DNAH3: variants seen among roughly 807,000 people sequenced by gnomAD.
DNAH3 encodes the protein axonemal beta dynein heavy chain 3.
A neutral mutation model predicts 432.5 loss-of-function variants in DNAH3; 332 were observed. That is an observed-to-expected ratio of 0.77 (90% CI 0.70 to 0.84). The LOEUF (loss-of-function observed/expected upper bound fraction) is 0.84, where lower values mean the gene tolerates loss of function less well. Ranked by LOEUF, DNAH3 falls within the 40% of genes least tolerant of loss-of-function variation. The probability of loss-of-function intolerance (pLI) is 0.00; values close to 1 mark genes in which losing one functional copy is unlikely to be tolerated. For synonymous variants in DNAH3, 1,956 were observed against 1,900.2 expected (o/e 1.03, Z -0.76); for missense variants, 4,861 against 5,114.0 (o/e 0.95, Z 1.51).
intron 41 of DNAH3, among the ~76,000 whole-genome samples, chr16:21,012,745 G>T (rs9924815): frequency 0.23 from 35,337 of 151,914 alleles, 4,288 homozygotes; most frequent in Admixed American, 0.28. Context: ...TGCATCGTGG[G>T]CAATAAAACA....
chr16:20,996,977 G>T, intron 44 of DNAH3: 1 of 291,940 alleles, frequency 3.4e-6, no homozygotes, highest in Non-Finnish European at 6.4e-6. Flanking sequence ...TGCACCCCTA[G>T]TTGAGGCTTC....
rs569833289 is a variant in DNAH3, at chr16:20,982,205, G to A, written c.7859+516C>T. The stretch of plus-strand genomic sequence containing the variant: ...TCGAGACCACCCTGGCCAACATGGC[G>A]AAACCCCATATCTAGTAAAAATATA... On this transcript the variant is annotated intron_variant, in intron 49 of 61. Coordinates refer to ENST00000261383, the Ensembl canonical transcript of DNAH3. Among the ~76,000 whole-genome samples the A allele has an allele frequency of 4.6e-5, 7 of 152,042 alleles. No individual in the cohort carries two copies. In the East Asian group the frequency reaches 7.7e-4, roughly 17 times the overall value.
exon 11 of DNAH3, chr16:21,120,838 A>C (rs754402541): frequency 1.2e-6 from 2 of 1,613,848 alleles, no homozygotes; most frequent in African/African-American, 2.7e-5. Context: ...GGAGAACTTA[A>C]GTGGTATGTA....
chr16:21,136,179 T>A (rs992147341), intron 6 of DNAH3, 145 bp downstream of exon 7: 4 of 730,758 alleles, frequency 5.5e-6, no homozygotes, highest in African/African-American at 1.8e-5. Flanking sequence ...TTTGGGAGGC[T>A]AAGGAGGGAG....
chr16:21,087,892 T>G (rs2091427249), intron 18 of DNAH3, among the ~76,000 whole-genome samples: 1 of 152,154 alleles, frequency 6.6e-6, no homozygotes, highest in Non-Finnish European at 1.5e-5. Flanking sequence ...AGTGAGACTC[T>G]GTCAAAAAAT....
exon 13 of DNAH3, chr16:21,112,045 T>C: frequency 6.2e-7 from 1 of 1,613,868 alleles, no homozygotes; most frequent in Middle Eastern, 1.7e-4. Flanking sequence ...AGCGATGTTT[T>C]GCTCTGCCGT....
At chr16:21,062,979 C>T (rs2090415466) in intron 24 of DNAH3, 2 of 305,206 alleles carry the variant, frequency 6.6e-6, no homozygotes, top group Non-Finnish European at 1.2e-5. Flanking sequence ...TGAGACATTG[C>T]ACCCAGCTTG....
intron 41 of DNAH3, 134 bp downstream of exon 41, chr16:21,019,490 A>T: frequency 1.0e-6 from 1 of 958,366 alleles, no homozygotes; most frequent in Non-Finnish European, 1.6e-6. Context: ...GTAATTCCTT[A>T]CATATTTATT....
rs374903404 is a variant in DNAH3 at position 21,034,079 on chromosome 16, C to T, written c.5092G>A (p.Glu1698Lys). The change falls in exon 36 of 62, where the codon GAA becomes AAA. Residue 1698 changes from glutamate to lysine, a missense_variant. Glu to Lys is a moderately conservative substitution (Grantham distance 56). Coordinates refer to ENST00000261383, the Ensembl canonical transcript of DNAH3. ...TAGCCATGTCTCACCAGCATCATTT[C>T]GTAGATCTGGGAGGAGACATCATTC... 10 of 1,607,226 alleles carry T rather than the reference C, an allele frequency of 6.2e-6. No individual in the cohort carries two copies. Among genetic ancestry groups the T allele is most frequent in the African/African-American group, 2.7e-5 (2 of 74,794 alleles).
At position 21,062,417 on chromosome 16, in the gene DNAH3, G is replaced by A; in HGVS notation, c.3720+65C>T. 2.9e-6 allele frequency: 4 copies of A among 1,387,470 alleles called. No individual in the cohort carries two copies. The South Asian group carries it at 4.8e-5, about 17-fold the overall frequency. 85.9% of individuals were successfully genotyped at this position (1,387,470 alleles called of 1,614,324 possible). Reference sequence around the variant, plus strand: ...GTCTGGTGCTTAGTCCCAGTGCTTAGCCAATACGCTCTCTGATTTACTCTG... The same window carrying A: ...GTCTGGTGCTTAGTCCCAGTGCTTAACCAATACGCTCTCTGATTTACTCTG... On this transcript the variant is annotated intron_variant, in intron 25 of 61. Transcript: ENST00000261383.
At chr16:21,104,263 G>A (rs1459535941) in intron 16 of DNAH3, 36 of 511,664 alleles carry the variant, frequency 7.0e-5, no homozygotes, top group Non-Finnish European at 8.5e-5. Context: ...GAAGACATTA[G>A]CAGAGGTTAT....
At chr16:20,996,584 C>G (rs1053230209) in intron 44 of DNAH3, among the ~76,000 whole-genome samples, 1 of 152,158 alleles carries the variant, frequency 6.6e-6, no homozygotes, top group Non-Finnish European at 1.5e-5. Flanking sequence ...CTCAGCCTCC[C>G]AAGTAGCTGG....
chr16:21,061,471 G>A (rs181371302), intron 25 of DNAH3, among the ~76,000 whole-genome samples: 285 of 151,922 alleles, frequency 1.9e-3, no homozygotes, highest in African/African-American at 6.4e-3. Context: ...TGATCCACCC[G>A]CCTCGGCCTC....
At chr16:21,064,643 T>C (rs1384077916) in intron 24 of DNAH3, among the ~76,000 whole-genome samples, 1 of 152,196 alleles carries the variant, frequency 6.6e-6, no homozygotes, top group Admixed American at 6.5e-5. Context: ...TCTATGGATA[T>C]ACACTCCCTC....
rs747399793 is a variant in DNAH3 at position 20,940,591 on chromosome 16, CT to C, written c.11654+809del. 1.5e-3 allele frequency among the ~76,000 whole-genome samples: 207 copies of C among 139,528 alleles called. No individual in the cohort carries two copies. In the South Asian group the frequency reaches 0.017, roughly 12 times the overall value. 91.5% of individuals were successfully genotyped at this position (139,528 alleles called of 152,430 possible). On this transcript the variant is annotated intron_variant, in intron 59 of 61. Coordinates refer to ENST00000261383, the Ensembl canonical transcript of DNAH3. ...TGTAGACGTGCACCACCATGCCTGC[CT>C]TTTTTTTTTTTTTCTTTTTTGGAGA...
rs201392039 is a variant in DNAH3, at chr16:20,959,860, C to CA, written c.10601-457dup. Among the ~76,000 whole-genome samples, 513 of 151,664 alleles carry CA rather than the reference C, an allele frequency of 3.4e-3. 3 individuals are homozygous for CA. The highest frequency in any genetic ancestry group is 0.01 in the Middle Eastern group (3 of 294). ...AGAAATTATCTGAACTGAAAAGAAA[C>CA]AAAAAAAATCAAGGTTTGAAAGAAA... On this transcript the variant is annotated intron_variant, in intron 53 of 61. Coordinates refer to ENST00000261383, the Ensembl canonical transcript of DNAH3.
chr16:21,103,271 A>T (rs1567795436), intron 16 of DNAH3, among the ~76,000 whole-genome samples: 4 of 146,738 alleles, frequency 2.7e-5, no homozygotes. Context: ...CTACTTACTC[A>T]TGTAACCAAA....
intron 59 of DNAH3, among the ~76,000 whole-genome samples, chr16:20,940,988 TA>T (rs1206739636): frequency 3.3e-5 from 5 of 152,128 alleles, no homozygotes; most frequent in African/African-American, 1.2e-4. Flanking sequence ...TAGACTCAGC[TA>T]CTCAGGAGGC....
chr16:21,077,319 C>CGG (rs1597324096), intron 20 of DNAH3, among the ~76,000 whole-genome samples: 1 of 152,172 alleles, frequency 6.6e-6, no homozygotes, highest in East Asian at 1.9e-4. Context: ...CCCTCCACCA[C>CGG]ACCTGGCTAA....
Sources: gnomAD v4.1 joint callset for allele counts (sites outside exome capture counted in the v4.1 genomes callset) on GRCh38, gnomAD v4.1.1 for gene constraint, MANE v1.5 for transcripts, NCBI Gene and HGNC (gene_info 2026-07-23, HGNC 2026-07-21) for gene names.